TENT2: variants seen among roughly 807,000 people sequenced by gnomAD.
TENT2 encodes the protein poly(A) RNA polymerase GLD2.
TENT2 carries 44 observed loss-of-function variants against 72.2 expected under a neutral mutation model. That is an observed-to-expected ratio of 0.61 (90% confidence interval 0.48 to 0.78). The LOEUF is 0.78. Among genes scored for constraint, TENT2 ranks in the 30% least tolerant of loss-of-function variants. The pLI is 0.00. For synonymous variants in TENT2, 212 were observed against 192.5 expected, an observed-to-expected ratio of 1.10 and a Z score of -0.84; for missense variants, 541 against 569.6, an observed-to-expected ratio of 0.95 and a Z score of 0.51.
At position 79,656,954 on chromosome 5, in the gene TENT2, A is replaced by G. The variant is rs368672797; in HGVS notation, c.1028-4A>G. On this transcript the variant is annotated splice_polypyrimidine_tract_variant and splice_region_variant and intron_variant, in intron 10 of 14. Coordinates refer to ENST00000453514, the MANE Select transcript of TENT2 (RefSeq NM_001114394.3). ...CGGAAGCTTTAAACTTTTTCTTTTT[A>G]TAGCCCTACCTGAACCCATCCTTCC... is the stretch of plus-strand genomic sequence containing the variant. 1.4e-5 allele frequency: 22 copies of G among 1,599,002 alleles called. No individual in the cohort carries two copies. In the South Asian group the frequency reaches 2.4e-4, roughly 17 times the overall value.
intron 2 of TENT2, 31 bp from the exon 3 acceptor site, chr5:79,619,963 A>G: frequency 6.6e-7 from 1 of 1,521,914 alleles, no homozygotes; most frequent in Non-Finnish European, 8.9e-7. Context: ...AAATATGTAT[A>G]AATTACTGTT....
At position 79,648,712 on chromosome 5, in the gene TENT2, T is replaced by C; in HGVS notation, c.898+19T>C. 1 of 1,535,192 alleles carries C rather than the reference T, an allele frequency of 6.5e-7. No homozygotes were observed. The highest frequency in any genetic ancestry group is 1.2e-5 in the South Asian group (1 of 82,284). ...GCATACCGTAAGTTTGTTGTTTGTTTATTAAAAATTAGCCTTTTTTTCTTT... is the reference window on the plus strand; with the variant it reads ...GCATACCGTAAGTTTGTTGTTTGTTCATTAAAAATTAGCCTTTTTTTCTTT... On this transcript the variant is annotated intron_variant, in intron 9 of 14. Transcript: ENST00000453514.
chr5:79,618,525 C>T (rs1407513601), intron 1 of TENT2, among the ~76,000 whole-genome samples: 2 of 152,168 alleles, frequency 1.3e-5, no homozygotes, highest in Non-Finnish European at 2.9e-5. Context: ...TGAGCCACCA[C>T]ATCCGGCCCC....
At chr5:79,647,518 G>A (rs545880771) in intron 8 of TENT2, among the ~76,000 whole-genome samples, 29 of 152,192 alleles carry the variant, frequency 1.9e-4, no homozygotes, top group Middle Eastern at 3.4e-3. Flanking sequence ...GCCAAATAAC[G>A]TATAATATCT....
intron 10 of TENT2, among the ~76,000 whole-genome samples, chr5:79,652,576 A>G (rs185597874): frequency 1.2e-3 from 176 of 152,160 alleles, no homozygotes; most frequent in African/African-American, 4.1e-3. Flanking sequence ...GAGAGACAAA[A>G]TAGTTTAAAT....
At chr5:79,680,126 T>C (rs1820542692) in intron 13 of TENT2, among the ~76,000 whole-genome samples, 1 of 152,196 alleles carries the variant, frequency 6.6e-6, no homozygotes, top group Non-Finnish European at 1.5e-5. Context: ...TAGTTGAATA[T>C]ATCCTTGAGA....
At chr5:79,684,750 T>C (rs911710461) in intron 14 of TENT2, among the ~76,000 whole-genome samples, 1 of 152,272 alleles carries the variant, frequency 6.6e-6, no homozygotes, top group Non-Finnish European at 1.5e-5. Context: ...CCCATTTCTT[T>C]ATTAATGAAT....
chr5:79,681,268 C>T (rs1030901572), intron 13 of TENT2, among the ~76,000 whole-genome samples: 2 of 146,586 alleles, frequency 1.4e-5, no homozygotes, highest in Non-Finnish European at 1.5e-5. Context: ...CAAGTGATTC[C>T]CCTGCCTCAG....
rs866804984 is a variant in TENT2 at position 79,618,707 on chromosome 5, A to G, written c.-37-905A>G. ...TTTTAAGTGAGAATATCAGGAGTCT[A>G]ATTAGAAACTCTAAAAGTATGTGGG... On this transcript the variant is annotated intron_variant, in intron 1 of 14. Transcript: ENST00000453514. Among the ~76,000 whole-genome samples, 7 of 152,182 alleles carry G rather than the reference A, an allele frequency of 4.6e-5. No homozygotes were observed. The South Asian group carries it at 1.0e-3, about 23-fold the overall frequency.
chr5:79,624,546 C>T (rs1321283052), intron 4 of TENT2, among the ~76,000 whole-genome samples: 3 of 152,114 alleles, frequency 2.0e-5, no homozygotes, highest in Non-Finnish European at 4.4e-5. Context: ...TCATCACCCC[C>T]AAAAGAAACC....
rs1363002527 is a variant in TENT2 at position 79,641,213 on chromosome 5, T to A, written c.672+17T>A. On this transcript the variant is annotated intron_variant, in intron 6 of 14. Coordinates refer to ENST00000453514, the MANE Select transcript of TENT2 (RefSeq NM_001114394.3). ...GAAGAACCAGTAAGTAAGGAAACAT[T>A]TATTCCAAGTGTGTTTCTCATGTTA... 6.6e-6 allele frequency: 10 copies of A among 1,520,500 alleles called. No individual in the cohort carries two copies. The highest frequency in any genetic ancestry group is 8.8e-6 in the Non-Finnish European group (10 of 1,138,000). The allele number at this position is 1,520,500 out of a possible 1,614,324, so 94.2% of individuals were successfully genotyped here. A position where few individuals can be genotyped will look rare whatever the true frequency, so the allele number is the denominator to read the frequency against.
intron 13 of TENT2, 129 bp from the exon 14 acceptor site, chr5:79,681,853 C>A (rs1180488508): frequency 3.1e-6 from 2 of 635,206 alleles, no homozygotes; most frequent in Non-Finnish European, 5.5e-6. Flanking sequence ...AGATATTAGG[C>A]TGACCCATCT....
intron 11 of TENT2, among the ~76,000 whole-genome samples, chr5:79,657,880 A>C (rs1799052402): frequency 6.6e-6 from 1 of 152,220 alleles, no homozygotes; most frequent in Non-Finnish European, 1.5e-5. Context: ...CATATTTCAA[A>C]GAGAAATATC....
intron 12 of TENT2, among the ~76,000 whole-genome samples, chr5:79,670,189 A>C (rs200688936): frequency 6.6e-6 from 1 of 151,464 alleles, no homozygotes; most frequent in Admixed American, 6.6e-5. Context: ...ATTGCACTCC[A>C]GCCTGGGCAA....
chr5:79,656,797 T>C (rs1301854040), intron 10 of TENT2, 161 bp from the exon 11 acceptor site: 1 of 519,600 alleles, frequency 1.9e-6, no homozygotes, highest in Non-Finnish European at 3.4e-6. Flanking sequence ...ATATTTTAAA[T>C]ACAAACTTAG....
chr5:79,652,207 T>A (rs565741786), intron 10 of TENT2, among the ~76,000 whole-genome samples: 1 of 152,176 alleles, frequency 6.6e-6, no homozygotes, highest in South Asian at 2.1e-4. Flanking sequence ...AATAGAAGAT[T>A]AGAAGTACTC....
chr5:79,627,985 A>T (rs972685847), intron 4 of TENT2, among the ~76,000 whole-genome samples: 3 of 152,230 alleles, frequency 2.0e-5, no homozygotes, highest in Admixed American at 2.0e-4. Flanking sequence ...TCCTAATGTT[A>T]TTGAGGCTCA....
chr5:79,684,039 C>T (rs1165142226), intron 14 of TENT2, among the ~76,000 whole-genome samples: 2 of 148,884 alleles, frequency 1.3e-5, no homozygotes, highest in African/African-American at 5.0e-5. Context: ...AGCAATGCTA[C>T]ATTGGTGTTC....
At chr5:79,613,267 A>T (rs538472518) in intron 1 of TENT2, among the ~76,000 whole-genome samples, 192 bp downstream of exon 1, 5 of 152,328 alleles carry the variant, frequency 3.3e-5, no homozygotes, top group Admixed American at 1.3e-4. Flanking sequence ...CGAAAGGCTT[A>T]TATGTCTCAA....
Sources: allele counts gnomAD v4.1 joint callset (sites outside exome capture counted in the v4.1 genomes callset), GRCh38; gene constraint gnomAD v4.1.1; transcripts MANE v1.5; gene names NCBI Gene and HGNC (gene_info 2026-07-23, HGNC 2026-07-21).